MT1B: variants seen among roughly 807,000 people sequenced by gnomAD.
The protein encoded by MT1B is metallothionein 1B, also known as metallothionein-1B.
MT1B carries 4 observed loss-of-function variants against 7.9 expected under a neutral mutation model. That is an observed-to-expected ratio of 0.51 (90% CI 0.25 to 1.16). The LOEUF (loss-of-function observed/expected upper bound fraction) is 1.16, where lower values mean the gene tolerates loss of function less well. Among genes scored for constraint, MT1B ranks in the 50% most tolerant of loss-of-function variants. The probability of loss-of-function intolerance (pLI) is 0.15; values close to 1 mark genes in which losing one functional copy is unlikely to be tolerated. For synonymous variants in MT1B, 22 were observed against 27.6 expected, an observed-to-expected ratio of 0.80 and a Z score of 0.63; for missense variants, 76 against 75.2, an observed-to-expected ratio of 1.01 and a Z score of -0.04.
At chr16:56,652,864 A>G in intron 2 of MT1B, 110 bp from the exon 3 acceptor site, 2 of 1,343,954 alleles carry the variant, frequency 1.5e-6, no homozygotes, top group Admixed American at 3.4e-5. Context: ...TGCCAGCCTA[A>G]AAATGCATCC....
intron 2 of MT1B, 95 bp downstream of exon 2, chr16:56,652,731 C>G (rs1420982624): frequency 6.8e-7 from 1 of 1,471,418 alleles, no homozygotes; most frequent in Non-Finnish European, 9.5e-7. Flanking sequence ...GGGAACTGGT[C>G]TTCCTTTGCC....
intron 2 of MT1B, 68 bp from the exon 3 acceptor site, chr16:56,652,906 T>C (rs8052334): frequency 0.5 from 774,621 of 1,542,142 alleles, 197,693 homozygotes; most frequent in Non-Finnish European, 0.52. Context: ...TCAGCCAGGC[T>C]TGCTGTTGGG....
intron 1 of MT1B, among the ~76,000 whole-genome samples, chr16:56,652,315 G>A (rs1223590909): frequency 6.6e-6 from 1 of 152,226 alleles, no homozygotes; most frequent in African/African-American, 2.4e-5. Context: ...CAACACAGAA[G>A]GTTTTGGCCT....
In MT1B at chr16:56,653,116, T is replaced by C. The variant is rs765463486; in HGVS notation, c.*51T>C. Reference sequence around the variant, plus strand: ...ATAAATAGAGCAACCAGTACTAACCTGGATTTTTTTTTTTAACTACCCTGA... The same window carrying C: ...ATAAATAGAGCAACCAGTACTAACCCGGATTTTTTTTTTTAACTACCCTGA... On this transcript the variant is annotated 3_prime_UTR_variant, in exon 3 of 3. Coordinates refer to ENST00000334346, the MANE Select transcript of MT1B (RefSeq NM_005947.3). 4 of 1,566,272 alleles carry C rather than the reference T, an allele frequency of 2.6e-6. No homozygotes were observed.
At position 56,653,008 on chromosome 16, in the gene MT1B, G is replaced by C. The variant is rs768673542; in HGVS notation, c.129G>C (p.Lys43Asn). The change falls in exon 3 of 3, where the codon AAG becomes AAC. Residue 43 changes from lysine to asparagine, a missense_variant. Lys to Asn is a moderately conservative substitution (Grantham distance 94, BLOSUM62 0). Transcript: ENST00000334346. Reference protein sequence around the residue: ...CCSCCPVGCAKCAQGCVCKGS... With the variant: ...CCSCCPVGCANCAQGCVCKGS... ...CTTGCTGCCCCGTGGGCTGTGCCAAGTGTGCCCAGGGCTGTGTCTGCAAAG... is the reference window on the plus strand; with the variant it reads ...CTTGCTGCCCCGTGGGCTGTGCCAACTGTGCCCAGGGCTGTGTCTGCAAAG... The C allele has an allele frequency of 9.3e-6, 15 of 1,613,514 alleles. No homozygotes were observed. The highest frequency in any genetic ancestry group is 5.0e-5 in the Admixed American group (3 of 60,008).
intron 2 of MT1B, 50 bp from the exon 3 acceptor site, chr16:56,652,924 G>T: frequency 6.3e-7 from 1 of 1,590,580 alleles, no homozygotes; most frequent in South Asian, 1.1e-5. Context: ...GGGACAGAGA[G>T]GTTCCTGGTC....
At chr16:56,652,523 C>A in intron 1 of MT1B, 48 bp from the exon 2 acceptor site, 1 of 1,572,574 alleles carries the variant, frequency 6.4e-7, no homozygotes, top group Non-Finnish European at 8.8e-7. Context: ...CACTGCTGTA[C>A]CTTCTGCATC....
At chr16:56,652,113 T>C in intron 1 of MT1B, 132 bp downstream of exon 1, 3 of 1,085,428 alleles carry the variant, frequency 2.8e-6, no homozygotes, top group Non-Finnish European at 4.1e-6. Flanking sequence ...AGTGCTTTCC[T>C]CTTGCCCAAG....
chr16:56,652,448 G>A (rs920802798), intron 1 of MT1B, 123 bp from the exon 2 acceptor site: 1 of 961,706 alleles, frequency 1.0e-6, no homozygotes, highest in Non-Finnish European at 1.7e-6. Context: ...CCTCCGCTCT[G>A]AGTGGGAAAG....
rs779371532 is a variant in MT1B, at chr16:56,652,976, T to G, written c.97T>G (p.Cys33Gly). ...CTCACTCTCCCCTTCTTCCCCAGGC[T>G]GCTGCTCTTGCTGCCCCGTGGGCTG... is the stretch of plus-strand genomic sequence containing the variant. ...ECKCTSCKKC[C>G]CSCCPVGCAK... is the part of the protein sequence containing the mutation. Residue 33 changes from cysteine to glycine, a missense_variant and splice_region_variant, in exon 3 of 3, where the codon TGC becomes GGC. Physicochemically the swap from Cys to Gly is radical, Grantham distance 159. Coordinates refer to ENST00000334346, the MANE Select transcript of MT1B (RefSeq NM_005947.3). 6.2e-7 allele frequency: 1 copy of G among 1,613,154 alleles called. No homozygotes were observed. The highest frequency in any genetic ancestry group is 2.2e-5 in the East Asian group (1 of 44,870).
chr16:56,652,520 G>A, intron 1 of MT1B, 51 bp from the exon 2 acceptor site: 2 of 1,564,628 alleles, frequency 1.3e-6, no homozygotes, highest in African/African-American at 2.7e-5. Context: ...ACTCACTGCT[G>A]TACCTTCTGC....
At position 56,653,054 on chromosome 16, in the gene MT1B, T is replaced by C; in HGVS notation, c.175T>C (p.Cys59Arg). 6.2e-7 allele frequency: 1 copy of C among 1,614,006 alleles called. No individual in the cohort carries two copies. The change falls in exon 3 of 3, where the codon TGC (cysteine) becomes CGC (arginine). Residue 59 changes from cysteine to arginine, a missense_variant. By Grantham distance (180) the Cys-to-Arg change is radical. Transcript: ENST00000334346. Reference sequence around the variant, plus strand: ...CAAAGGCTCATCAGAGAAGTGCCGCTGCTGTGCCTGATGTTGGGAGAGCCC... The same window carrying C: ...CAAAGGCTCATCAGAGAAGTGCCGCCGCTGTGCCTGATGTTGGGAGAGCCC... Reference protein sequence around the residue: ...VCKGSSEKCRCCA With the variant: ...VCKGSSEKCRRCA
intron 2 of MT1B, 84 bp downstream of exon 2, chr16:56,652,720 T>C (rs1960570740): frequency 1.3e-6 from 2 of 1,521,210 alleles, no homozygotes; most frequent in Non-Finnish European, 9.1e-7. Context: ...TGCATGCTTT[T>C]GGGAACTGGT....
chr16:56,652,921 A>G lies in MT1B; in HGVS notation c.95-53A>G, dbSNP rs1184117361. On this transcript the variant is annotated intron_variant, in intron 2 of 2. Transcript: ENST00000334346. Reference sequence around the variant, plus strand: ...TCAGCCAGGCTTGCTGTTGGGACAGAGAGGTTCCTGGTCAAGTCAGCTGTG... The same window carrying G: ...TCAGCCAGGCTTGCTGTTGGGACAGGGAGGTTCCTGGTCAAGTCAGCTGTG... 6.9e-6 allele frequency: 11 copies of G among 1,585,238 alleles called. No homozygotes were observed. In the Admixed American group the frequency reaches 1.8e-4, roughly 26 times the overall value.
intron 1 of MT1B, among the ~76,000 whole-genome samples, chr16:56,652,323 C>T (rs1022603860): frequency 6.6e-6 from 1 of 152,210 alleles, no homozygotes; most frequent in Non-Finnish European, 1.5e-5. Context: ...AAGGTTTTGG[C>T]CTCCAGCCCC....
Position 56,651,920 on chromosome 16 carries a change from T to G in MT1B, c.-34T>G. The G allele has an allele frequency of 6.2e-7, 1 of 1,613,822 alleles. No homozygotes were observed. Among genetic ancestry groups the G allele is most frequent in the Non-Finnish European group, 8.5e-7 (1 of 1,179,680 alleles). On this transcript the variant is annotated 5_prime_UTR_variant, in exon 1 of 3. Coordinates refer to ENST00000334346, the MANE Select transcript of MT1B (RefSeq NM_005947.3). Reference sequence around the variant, plus strand: ...TCCTCCTGCCCTGACTTCTCATATCTTGCCTAGGAACTCCAGGCTTGTCTT... The same window carrying G: ...TCCTCCTGCCCTGACTTCTCATATCGTGCCTAGGAACTCCAGGCTTGTCTT...
At position 56,653,077 on chromosome 16, in the gene MT1B, C is replaced by T. The variant is rs200317747; in HGVS notation, c.*12C>T. The T allele has an allele frequency of 2.2e-5, 36 of 1,613,356 alleles. No individual in the cohort carries two copies. The African/African-American group carries it at 3.6e-4, about 16-fold the overall frequency. On this transcript the variant is annotated 3_prime_UTR_variant, in exon 3 of 3. Coordinates refer to ENST00000334346, the MANE Select transcript of MT1B (RefSeq NM_005947.3). ...GCTGCTGTGCCTGATGTTGGGAGAGCCCTGCTCCCAGACATAAATAGAGCA... is the reference window on the plus strand; with the variant it reads ...GCTGCTGTGCCTGATGTTGGGAGAGTCCTGCTCCCAGACATAAATAGAGCA...
chr16:56,652,943 T>A, intron 2 of MT1B, 31 bp from the exon 3 acceptor site: 1 of 1,608,284 alleles, frequency 6.2e-7, no homozygotes, highest in Non-Finnish European at 8.5e-7. Flanking sequence ...TCAAGTCAGC[T>A]GTGACCTCTC....
chr16:56,652,233 G>A (rs755814728), intron 1 of MT1B, among the ~76,000 whole-genome samples: 1 of 152,216 alleles, frequency 6.6e-6, no homozygotes, highest in South Asian at 2.1e-4. Context: ...TGCTGGCTGC[G>A]CCCCAGTGCT....
Sources: gnomAD v4.1 joint callset for allele counts (sites outside exome capture counted in the v4.1 genomes callset) on GRCh38, gnomAD v4.1.1 for gene constraint, MANE v1.5 for transcripts, NCBI Gene and HGNC (gene_info 2026-07-23, HGNC 2026-07-21) for gene names.